RARB: variants seen among roughly 807,000 people sequenced by gnomAD.
RARB encodes HBV-activated protein.
Under a neutral mutation model 51.9 loss-of-function variants are expected in RARB, and 17 were observed. The observed-to-expected ratio is 0.33, with a 90% CI of 0.22 to 0.49. RARB has a LOEUF of 0.49. RARB is among the 20% of genes least tolerant of loss of function. The pLI, the probability that RARB is intolerant of heterozygous loss-of-function variation, is 0.99. For missense variants in RARB, 369 were observed against 550.8 expected (o/e 0.67, Z 3.30); for synonymous variants, 215 against 195.4 (o/e 1.10, Z -0.84).
intron 5 of RARB, among the ~76,000 whole-genome samples, chr3:25,416,824 C>T (rs544443867): frequency 6.6e-6 from 1 of 152,212 alleles, no homozygotes; most frequent in African/African-American, 2.4e-5. Context: ...TTGTCATGGA[C>T]TTCTATGGGG....
chr3:25,166,580 AT>A (rs1183577777), intron 4 of RARB, among the ~76,000 whole-genome samples: 1 of 152,152 alleles, frequency 6.6e-6, no homozygotes, highest in Non-Finnish European at 1.5e-5. Flanking sequence ...ATCACAAGAC[AT>A]TGAAAAAATC....
chr3:25,166,377 C>G (rs1172065308), intron 4 of RARB, among the ~76,000 whole-genome samples: 1 of 152,078 alleles, frequency 6.6e-6, no homozygotes, highest in African/African-American at 2.4e-5. Flanking sequence ...TTGCTGAAAA[C>G]AGGTACTTGG....
intron 3 of RARB, among the ~76,000 whole-genome samples, chr3:25,068,384 C>G (rs1157251876): frequency 6.6e-6 from 1 of 151,822 alleles, no homozygotes; most frequent in African/African-American, 2.4e-5. Flanking sequence ...AATCACCATA[C>G]TTCTCCCATG....
At chr3:25,003,996 A>G (rs1461795674) in intron 2 of RARB, among the ~76,000 whole-genome samples, 1 of 152,186 alleles carries the variant, frequency 6.6e-6, no homozygotes, top group Non-Finnish European at 1.5e-5. Context: ...CTTTGCTGTG[A>G]TAACAAATAA....
intron 2 of RARB, among the ~76,000 whole-genome samples, chr3:25,012,748 T>C (rs1697425553): frequency 6.6e-6 from 1 of 152,026 alleles, no homozygotes; most frequent in East Asian, 1.9e-4. Flanking sequence ...TCTATGCAAA[T>C]AAAGTGAGAG....
chr3:25,386,416 G>A (rs187678819), intron 5 of RARB, among the ~76,000 whole-genome samples: 1 of 152,254 alleles, frequency 6.6e-6, no homozygotes, highest in Non-Finnish European at 1.5e-5. Context: ...GATGGTAGGT[G>A]GAGTTATTGA....
chr3:25,449,495 C>T (rs554966245), intron 1 of RARB, among the ~76,000 whole-genome samples: 1 of 152,254 alleles, frequency 6.6e-6, no homozygotes, highest in East Asian at 1.9e-4. Context: ...ACGTACCCTG[C>T]ATACTCTAAA....
At chr3:25,183,581 C>T (rs904196685) in intron 5 of RARB, among the ~76,000 whole-genome samples, 10 of 152,192 alleles carry the variant, frequency 6.6e-5, no homozygotes, top group Non-Finnish European at 1.5e-4. Context: ...ATTCAAGTTT[C>T]AGTCACCGAG....
intron 1 of RARB, among the ~76,000 whole-genome samples, chr3:24,835,747 A>G (rs1702337061): frequency 2.0e-5 from 3 of 152,194 alleles, no homozygotes; most frequent in African/African-American, 4.8e-5. Flanking sequence ...ATAATGATAG[A>G]GCGCTGTCGA....
At chr3:25,341,990 G>A (rs1275281517) in intron 5 of RARB, among the ~76,000 whole-genome samples, 12 of 152,058 alleles carry the variant, frequency 7.9e-5, no homozygotes, top group South Asian at 4.1e-4. Context: ...ACAACACTTC[G>A]TAGAAGAAGA....
chr3:24,994,648 G>T (rs1696984574), intron 2 of RARB, among the ~76,000 whole-genome samples: 1 of 151,860 alleles, frequency 6.6e-6, no homozygotes, highest in Non-Finnish European at 1.5e-5. Context: ...GTAGGTATTT[G>T]GTCTATTGTG....
chr3:25,440,999 C>T (rs9844855), intron 1 of RARB, among the ~76,000 whole-genome samples: 11,005 of 145,792 alleles, frequency 0.075, 684 homozygotes, highest in African/African-American at 0.17. Context: ...TTTCCACTTG[C>T]AATCATATAC....
intron 2 of RARB, among the ~76,000 whole-genome samples, chr3:24,943,962 G>A (rs1197082661): frequency 6.6e-6 from 1 of 152,122 alleles, no homozygotes; most frequent in South Asian, 2.1e-4. Context: ...AAATGGTTCC[G>A]ATTCAGAGCA....
chr3:25,551,701 A>T (rs1227623795), intron 3 of RARB, among the ~76,000 whole-genome samples: 4 of 152,182 alleles, frequency 2.6e-5, no homozygotes, highest in African/African-American at 9.7e-5. Context: ...GGGCTTGGGC[A>T]TGGATCTCAT....
chr3:25,334,981 G>C (rs933969733), intron 5 of RARB, among the ~76,000 whole-genome samples: 2 of 152,150 alleles, frequency 1.3e-5, no homozygotes, highest in Non-Finnish European at 2.9e-5. Context: ...CTTTCTGTTG[G>C]GGTTACTTAG....
At chr3:24,946,981 G>A (rs1375086655) in intron 2 of RARB, among the ~76,000 whole-genome samples, 4 of 152,154 alleles carry the variant, frequency 2.6e-5, no homozygotes, top group African/African-American at 7.2e-5. Flanking sequence ...GAAAAGACAT[G>A]CTGAATTTCT....
chr3:25,358,691 G>A (rs1368395419), intron 5 of RARB, among the ~76,000 whole-genome samples: 1 of 152,122 alleles, frequency 6.6e-6, no homozygotes, highest in East Asian at 1.9e-4. Flanking sequence ...AGCATGAAGG[G>A]TTGTTGAATT....
intron 3 of RARB, among the ~76,000 whole-genome samples, chr3:25,532,556 T>C (rs1698971820): frequency 6.6e-6 from 1 of 152,342 alleles, no homozygotes; most frequent in Non-Finnish European, 1.5e-5. Context: ...TGATAATTTA[T>C]TTTATCTTTG....
chr3:25,369,732 G>A (rs1396595435), intron 5 of RARB, among the ~76,000 whole-genome samples: 1 of 152,164 alleles, frequency 6.6e-6, no homozygotes, highest in African/African-American at 2.4e-5. Flanking sequence ...AGACCAGTCT[G>A]ACCAACGTGG....
Sources: gnomAD v4.1 joint callset for allele counts (sites outside exome capture counted in the v4.1 genomes callset) on GRCh38, gnomAD v4.1.1 for gene constraint, MANE v1.5 for transcripts, NCBI Gene and HGNC (gene_info 2026-07-23, HGNC 2026-07-21) for gene names.